Variants in PCDHA1 observed in about 807,000 individuals in gnomAD.
PCDHA1 encodes the protein protocadherin alpha 1.
In PCDHA1, 42 loss-of-function variants were observed where a neutral mutation model predicts 61.3. That is an observed-to-expected ratio of 0.69 (90% CI 0.54 to 0.89). The LOEUF (loss-of-function observed/expected upper bound fraction) is 0.89. Among genes scored for constraint, PCDHA1 ranks in the 40% least tolerant of loss-of-function variants. The pLI is 0.00. For missense variants in PCDHA1, 1,256 were observed against 1,235.3 expected (o/e 1.02, Z -0.25); for synonymous variants, 610 against 553.8 (o/e 1.10, Z -1.43).
chr5:140,928,550 C>A (rs781857799), intron 1 of PCDHA1: 1 of 1,614,160 alleles, frequency 6.2e-7, no homozygotes, highest in South Asian at 1.1e-5. Flanking sequence ...GACAATTATC[C>A]GGTTATCTTG....
chr5:140,882,577 C>G, intron 1 of PCDHA1: 3 of 1,614,238 alleles, frequency 1.9e-6, no homozygotes, highest in Non-Finnish European at 2.5e-6. Flanking sequence ...CGGAGTGCAG[C>G]ATCCACCTGG....
At chr5:140,924,318 G>A (rs550515387) in intron 1 of PCDHA1, among the ~76,000 whole-genome samples, 1 of 152,164 alleles carries the variant, frequency 6.6e-6, no homozygotes, top group East Asian at 1.9e-4. Context: ...AATTTTATCT[G>A]AGACTTGGTG....
chr5:140,808,329 T>A (rs781960345), intron 1 of PCDHA1: 1 of 1,614,258 alleles, frequency 6.2e-7, no homozygotes, highest in South Asian at 1.1e-5. Flanking sequence ...GACATGGGTG[T>A]CAATGGGCTG....
rs138591837 is a variant in PCDHA1 at position 140,843,301 on chromosome 5, C to T, written c.2394+54617C>T. The T allele has an allele frequency of 6.3e-6, 10 of 1,595,850 alleles. 1 individual carries two copies. The African/African-American group carries it at 6.7e-5, about 11-fold the overall frequency. On this transcript the variant is annotated intron_variant, in intron 1 of 3. Transcript: ENST00000504120. The stretch of plus-strand genomic sequence containing the variant: ...AGGATCATGGTGAACCTGCGCTGAC[C>T]GCCACGGCCACGGTTCTGGTGTCGC...
chr5:140,799,340 A>G (rs1167300688), intron 1 of PCDHA1, among the ~76,000 whole-genome samples: 1 of 152,140 alleles, frequency 6.6e-6, no homozygotes, highest in East Asian at 1.9e-4. Flanking sequence ...GCAGTATTAC[A>G]ATAAGTTGTC....
intron 1 of PCDHA1, among the ~76,000 whole-genome samples, chr5:140,977,973 A>G (rs1336063493): frequency 4.6e-5 from 7 of 152,178 alleles, no homozygotes; most frequent in Admixed American, 3.9e-4. Flanking sequence ...TCCGCCCATG[A>G]AAACGCATCT....
At chr5:140,884,954 T>C (rs2060416589) in intron 1 of PCDHA1, among the ~76,000 whole-genome samples, 1 of 152,208 alleles carries the variant, frequency 6.6e-6, no homozygotes, top group Non-Finnish European at 1.5e-5. Context: ...TTACAAAAAA[T>C]TCCTCACGTT....
chr5:140,803,936 A>G (rs143721550), intron 1 of PCDHA1: 4 of 404,820 alleles, frequency 9.9e-6, no homozygotes, highest in Admixed American at 8.6e-5. Context: ...ACTTATCCCT[A>G]TACAATGCTT....
chr5:140,869,838 A>G, intron 1 of PCDHA1: 6 of 1,611,734 alleles, frequency 3.7e-6, no homozygotes, highest in Non-Finnish European at 5.1e-6. Context: ...TTGATAAATC[A>G]GAATATAAGG....
At chr5:140,860,712 GA>G (rs1321036052) in intron 1 of PCDHA1, 1 of 152,188 alleles carries the variant, frequency 6.6e-6, no homozygotes, top group African/African-American at 2.4e-5. Flanking sequence ...TGTTCTCCAT[GA>G]AAAGTTTTTT....
At chr5:140,859,014 A>G (rs983768098) in intron 1 of PCDHA1, 1 of 151,370 alleles carries the variant, frequency 6.6e-6, no homozygotes, top group Non-Finnish European at 1.5e-5. Flanking sequence ...AATCTTAGCA[A>G]TTAAGTTAAA....
intron 1 of PCDHA1, chr5:140,810,699 A>T (rs782380307): frequency 6.6e-6 from 1 of 151,874 alleles, no homozygotes; most frequent in Non-Finnish European, 1.5e-5. Context: ...CTTCCATAGA[A>T]CTTTATTTAT....
chr5:140,815,612 T>C (rs1765762414), intron 1 of PCDHA1: 1 of 152,158 alleles, frequency 6.6e-6, no homozygotes, highest in South Asian at 2.1e-4. Flanking sequence ...GTGACTTTTG[T>C]ACCACCATTA....
chr5:140,923,247 T>G (rs1230824523), intron 1 of PCDHA1, among the ~76,000 whole-genome samples: 6 of 152,252 alleles, frequency 3.9e-5, no homozygotes, highest in African/African-American at 1.4e-4. Flanking sequence ...TGAGACCAGC[T>G]GGGCAACATA....
chr5:140,849,758 C>T lies in PCDHA1; in HGVS notation c.2394+61074C>T, dbSNP rs150560525. ...TGGACCGCGAGAGTGTGTCCGCCTA[C>T]GAGCTGGTGGTTACCGCGCGGGACG... On this transcript the variant is annotated intron_variant, in intron 1 of 3. Transcript: ENST00000504120. 1.8e-4 allele frequency: 292 copies of T among 1,598,480 alleles called. 14 individuals are homozygous for T. The highest frequency in any genetic ancestry group is 1.6e-3 in the African/African-American group (121 of 74,466).
intron 1 of PCDHA1, among the ~76,000 whole-genome samples, chr5:140,838,141 T>G (rs1229796880): frequency 6.7e-6 from 1 of 149,692 alleles, no homozygotes; most frequent in African/African-American, 2.5e-5. Context: ...TTTGACAGAG[T>G]TTTACTCTGT....
intron 1 of PCDHA1, chr5:140,862,802 T>C (rs1554156982): frequency 1.7e-6 from 1 of 577,736 alleles, no homozygotes; most frequent in Non-Finnish European, 3.3e-6. Flanking sequence ...GAGCTGGAGC[T>C]GCTGCAGTTC....
At chr5:140,995,424 A>G (rs868948138) in intron 3 of PCDHA1, among the ~76,000 whole-genome samples, 10 of 152,186 alleles carry the variant, frequency 6.6e-5, no homozygotes, top group South Asian at 2.1e-4. Flanking sequence ...ATTACTCAGA[A>G]CAGCTTGCAA....
chr5:140,925,106 G>GAA (rs1554202543), intron 1 of PCDHA1, among the ~76,000 whole-genome samples: 1 of 151,098 alleles, frequency 6.6e-6, no homozygotes, highest in African/African-American at 2.4e-5. Flanking sequence ...AGGAAGGAAG[G>GAA]AGGGAAGGAA....
Sources: allele counts gnomAD v4.1 joint callset (sites outside exome capture counted in the v4.1 genomes callset), GRCh38; gene constraint gnomAD v4.1.1; transcripts MANE v1.5; gene names NCBI Gene and HGNC (gene_info 2026-07-23, HGNC 2026-07-21).